Variants in ST6GALNAC3 observed in about 807,000 individuals in gnomAD.
ST6GALNAC3 encodes the protein ST6 N-acetylgalactosaminide alpha-2,6-sialyltransferase 3.
Under a neutral mutation model 32.7 loss-of-function variants are expected in ST6GALNAC3, and 25 were observed. That is an observed-to-expected ratio of 0.76 (90% confidence interval 0.56 to 1.07). ST6GALNAC3 has a LOEUF of 1.07. Among genes scored for constraint, ST6GALNAC3 ranks in the 50% least tolerant of loss-of-function variants. The pLI is 0.00. For missense variants in ST6GALNAC3, 355 were observed against 382.4 expected (o/e 0.93, Z 0.60); for synonymous variants, 129 against 133.1 (o/e 0.97, Z 0.21).
At chr1:76,336,698 G>T (rs1647504560) in intron 2 of ST6GALNAC3, among the ~76,000 whole-genome samples, 1 of 152,246 alleles carries the variant, frequency 6.6e-6, no homozygotes, top group African/African-American at 2.4e-5. Context: ...CTGGCTCAAT[G>T]CTGCTCTACC....
chr1:76,224,143 A>G (rs1052861989), intron 1 of ST6GALNAC3, among the ~76,000 whole-genome samples: 5 of 152,160 alleles, frequency 3.3e-5, no homozygotes, highest in Non-Finnish European at 7.4e-5. Context: ...CATTCTACTT[A>G]TAATGTCCTT....
chr1:76,347,804 A>T (rs1346075875), intron 2 of ST6GALNAC3, among the ~76,000 whole-genome samples: 1 of 152,130 alleles, frequency 6.6e-6, no homozygotes, highest in Non-Finnish European at 1.5e-5. Flanking sequence ...TAACCTACCA[A>T]CAAAATGAGG....
At chr1:76,197,657 G>A (rs542187488) in intron 1 of ST6GALNAC3, among the ~76,000 whole-genome samples, 8 of 152,326 alleles carry the variant, frequency 5.3e-5, no homozygotes, top group African/African-American at 1.9e-4. Context: ...TCTTTGAGAA[G>A]AAGTTTAATT....
intron 1 of ST6GALNAC3, among the ~76,000 whole-genome samples, chr1:76,134,035 C>T (rs1442703842): frequency 6.6e-6 from 1 of 152,096 alleles, no homozygotes; most frequent in African/African-American, 2.4e-5. Flanking sequence ...TTAAGCAGTA[C>T]AAGGAAATTC....
chr1:76,390,020 A>T (rs1246169038), intron 2 of ST6GALNAC3, among the ~76,000 whole-genome samples: 1 of 152,058 alleles, frequency 6.6e-6, no homozygotes, highest in Non-Finnish European at 1.5e-5. Flanking sequence ...TATCATACTG[A>T]CCTTTAATCC....
Position 76,630,806 on chromosome 1 carries a change from A to G in ST6GALNAC3, c.*2000A>G, listed in dbSNP as rs1649258574. On this transcript the variant is annotated 3_prime_UTR_variant, in exon 5 of 5. Transcript: ENST00000328299. ...CCCTTATGCAATTTTTAATTCTATG[A>G]ATGTTAAGTTTTTTTGAGCTAATGA... is the stretch of plus-strand genomic sequence containing the variant. The G allele has an allele frequency of 6.1e-6, 6 of 985,624 alleles. No individual in the cohort carries two copies. The highest frequency in any genetic ancestry group is 5.2e-4 in the Middle Eastern group (1 of 1,914). 61.1% of individuals were successfully genotyped at this position (985,624 alleles called of 1,614,324 possible). A position where few individuals can be genotyped will look rare whatever the true frequency, so the allele number is the denominator to read the frequency against.
chr1:76,568,571 A>C (rs185651588), intron 3 of ST6GALNAC3, among the ~76,000 whole-genome samples: 1 of 152,310 alleles, frequency 6.6e-6, no homozygotes, highest in Non-Finnish European at 1.5e-5. Flanking sequence ...CAATGCATGG[A>C]TTAACACCTA....
At chr1:76,249,472 T>G (rs746184390) in intron 1 of ST6GALNAC3, among the ~76,000 whole-genome samples, 13 of 152,198 alleles carry the variant, frequency 8.5e-5, no homozygotes, top group Non-Finnish European at 1.8e-4. Flanking sequence ...AATACTTCAT[T>G]CTTTTTATTG....
intron 3 of ST6GALNAC3, among the ~76,000 whole-genome samples, chr1:76,587,696 C>A (rs1408697430): frequency 6.6e-6 from 1 of 152,174 alleles, no homozygotes; most frequent in Non-Finnish European, 1.5e-5. Flanking sequence ...AAGTTCTGGG[C>A]ACGTAATGGC....
chr1:76,575,811 T>C (rs1367665615), intron 3 of ST6GALNAC3, among the ~76,000 whole-genome samples: 2 of 152,086 alleles, frequency 1.3e-5, no homozygotes, highest in Non-Finnish European at 2.9e-5. Flanking sequence ...TAGCATCTTT[T>C]CTATAAAGAA....
chr1:76,386,975 A>G (rs1282046301), intron 2 of ST6GALNAC3, among the ~76,000 whole-genome samples: 1 of 151,784 alleles, frequency 6.6e-6, no homozygotes, highest in African/African-American at 2.4e-5. Flanking sequence ...TTTACCCTTA[A>G]CCTCTCTCCA....
intron 1 of ST6GALNAC3, among the ~76,000 whole-genome samples, chr1:76,255,516 A>C (rs1570596276): frequency 6.6e-6 from 1 of 152,140 alleles, no homozygotes; most frequent in Non-Finnish European, 1.5e-5. Flanking sequence ...CAGAGGTTGC[A>C]GATGGCCCTG....
chr1:76,459,424 C>T (rs533246393), intron 3 of ST6GALNAC3, among the ~76,000 whole-genome samples: 9 of 152,162 alleles, frequency 5.9e-5, no homozygotes, highest in East Asian at 1.9e-4. Flanking sequence ...ATTAGCCACG[C>T]GTGGTGGCGG....
At chr1:76,094,316 A>C (rs1403524319) in intron 1 of ST6GALNAC3, among the ~76,000 whole-genome samples, 2 of 152,244 alleles carry the variant, frequency 1.3e-5, no homozygotes, top group Admixed American at 6.5e-5. Flanking sequence ...GGTGGGGACC[A>C]AATGCTATTG....
chr1:76,326,737 A>G (rs996366506), intron 2 of ST6GALNAC3, among the ~76,000 whole-genome samples: 11 of 151,286 alleles, frequency 7.3e-5, no homozygotes, highest in Non-Finnish European at 1.6e-4. Flanking sequence ...TAACTATTTT[A>G]GCATGCAAAA....
At chr1:76,241,757 A>G (rs1360774837) in intron 1 of ST6GALNAC3, among the ~76,000 whole-genome samples, 2 of 152,220 alleles carry the variant, frequency 1.3e-5, no homozygotes, top group Non-Finnish European at 2.9e-5. Context: ...TATTGATTAC[A>G]TGTTGAAATG....
intron 3 of ST6GALNAC3, among the ~76,000 whole-genome samples, chr1:76,461,086 C>A (rs1278146863): frequency 6.6e-6 from 1 of 152,064 alleles, no homozygotes; most frequent in Non-Finnish European, 1.5e-5. Context: ...CTTAGAAAAG[C>A]CTGAGGCAGA....
chr1:76,262,901 C>T (rs1658322567), intron 1 of ST6GALNAC3, among the ~76,000 whole-genome samples: 1 of 152,068 alleles, frequency 6.6e-6, no homozygotes, highest in Admixed American at 6.6e-5. Context: ...TTTATTATAT[C>T]CTGGATGAAG....
intron 1 of ST6GALNAC3, among the ~76,000 whole-genome samples, chr1:76,219,653 A>C (rs1272088639): frequency 6.6e-6 from 1 of 152,170 alleles, no homozygotes; most frequent in Non-Finnish European, 1.5e-5. Context: ...TACATCACTA[A>C]AAGTGTGTTA....
Sources: gnomAD v4.1 joint callset for allele counts (sites outside exome capture counted in the v4.1 genomes callset) on GRCh38, gnomAD v4.1.1 for gene constraint, MANE v1.5 for transcripts, NCBI Gene and HGNC (gene_info 2026-07-23, HGNC 2026-07-21) for gene names.